The following LUZP2 variants were observed in gnomAD, a reference collection of about 807,000 sequenced individuals.
The protein encoded by LUZP2 is leucine zipper protein 2.
A neutral mutation model predicts 51.6 loss-of-function variants in LUZP2; 52 were observed. That is an observed-to-expected ratio of 1.01 (90% CI 0.81 to 1.27). The LOEUF (loss-of-function observed/expected upper bound fraction) is 1.27, where lower values mean the gene tolerates loss of function less well. Among genes scored for constraint, LUZP2 ranks in the 50% most tolerant of loss-of-function variants. The pLI, the probability that LUZP2 is intolerant of heterozygous loss-of-function variation, is 0.00. For synonymous variants in LUZP2, 154 were observed against 137.3 expected (o/e 1.12, Z -0.85); for missense variants, 436 against 395.4 (o/e 1.10, Z -0.87).
chr11:24,568,884 T>TAGTA (rs1852334652), intron 1 of LUZP2, among the ~76,000 whole-genome samples: 1 of 152,006 alleles, frequency 6.6e-6, no homozygotes, highest in African/African-American at 2.4e-5. Flanking sequence ...CTAAGAGACA[T>TAGTA]AGTAATACAT....
At chr11:24,691,450 A>T (rs554776031) in intron 1 of LUZP2, among the ~76,000 whole-genome samples, 375 of 151,530 alleles carry the variant, frequency 2.5e-3, no homozygotes, top group African/African-American at 8.8e-3. Context: ...TCTTTCAAAT[A>T]AATACCCATT....
At chr11:24,959,982 G>A (rs957325988) in intron 7 of LUZP2, among the ~76,000 whole-genome samples, 13 of 152,164 alleles carry the variant, frequency 8.5e-5, no homozygotes, top group African/African-American at 3.1e-4. Context: ...TTTGTCAAAA[G>A]CCTTTTCTGC....
intron 5 of LUZP2, among the ~76,000 whole-genome samples, chr11:24,809,431 T>TC (rs1258219537): frequency 6.6e-6 from 1 of 152,098 alleles, no homozygotes; most frequent in African/African-American, 2.4e-5. Context: ...CATTTCAGCA[T>TC]CTCACCTAAA....
At chr11:24,961,356 C>T (rs1283769153) in intron 7 of LUZP2, among the ~76,000 whole-genome samples, 1 of 152,188 alleles carries the variant, frequency 6.6e-6, no homozygotes, top group Non-Finnish European at 1.5e-5. Context: ...GTGTTAAAAT[C>T]TCCCATTATT....
chr11:25,043,706 G>A (rs1172611408), intron 9 of LUZP2, among the ~76,000 whole-genome samples: 2 of 148,054 alleles, frequency 1.4e-5, no homozygotes, highest in African/African-American at 4.9e-5. Flanking sequence ...ATATATATCA[G>A]ACAATATATA....
intron 5 of LUZP2, among the ~76,000 whole-genome samples, chr11:24,868,038 C>T (rs1019821285): frequency 2.6e-5 from 4 of 152,116 alleles, no homozygotes; most frequent in African/African-American, 9.7e-5. Flanking sequence ...TCTCATTAGA[C>T]CTTGTTCAGC....
chr11:24,549,963 A>C (rs1459945797), intron 1 of LUZP2, among the ~76,000 whole-genome samples: 2 of 152,048 alleles, frequency 1.3e-5, no homozygotes, highest in African/African-American at 4.8e-5. Context: ...AGGCTAGAAA[A>C]AGACTTGTTA....
At chr11:24,503,244 C>T (rs1202393778) in intron 1 of LUZP2, among the ~76,000 whole-genome samples, 1 of 152,120 alleles carries the variant, frequency 6.6e-6, no homozygotes, top group Non-Finnish European at 1.5e-5. Flanking sequence ...AAATATATTT[C>T]TCTTTATTTT....
chr11:24,591,856 T>C (rs1237042909), intron 1 of LUZP2, among the ~76,000 whole-genome samples: 2 of 152,214 alleles, frequency 1.3e-5, no homozygotes, highest in South Asian at 4.1e-4. Context: ...TCTTAAAATA[T>C]GCATTTCTAA....
chr11:24,917,968 C>A (rs566442975), intron 7 of LUZP2, among the ~76,000 whole-genome samples: 1 of 152,032 alleles, frequency 6.6e-6, no homozygotes, highest in East Asian at 1.9e-4. Context: ...TACCCATGAG[C>A]ATGGAATGTT....
chr11:24,580,195 C>CT (rs1373508001), intron 1 of LUZP2, among the ~76,000 whole-genome samples: 5 of 151,978 alleles, frequency 3.3e-5, no homozygotes, highest in South Asian at 4.1e-4. Context: ...ATCTGCAAGT[C>CT]TTTTTTTAAT....
rs544222089 is a variant in LUZP2, at chr11:24,906,072, C to A, written c.459+19C>A. 1.3e-6 allele frequency: 2 copies of A among 1,595,036 alleles called. No homozygotes were observed. Among genetic ancestry groups the A allele is most frequent in the African/African-American group, 1.3e-5 (1 of 74,624 alleles). On this transcript the variant is annotated intron_variant, in intron 6 of 11. Transcript: ENST00000336930. ...AGAAGAGGTGAGTAAATTTTTGCTT[C>A]TTCTAGCTTTAACCAGATAAAAACA...
chr11:24,605,353 T>C (rs889929982), intron 1 of LUZP2, among the ~76,000 whole-genome samples: 3 of 151,748 alleles, frequency 2.0e-5, no homozygotes, highest in Admixed American at 1.3e-4. Context: ...AAATATTAAC[T>C]TTATTACATA....
At chr11:24,869,630 T>G (rs1851998052) in intron 5 of LUZP2, among the ~76,000 whole-genome samples, 1 of 152,070 alleles carries the variant, frequency 6.6e-6, no homozygotes, top group Non-Finnish European at 1.5e-5. Context: ...GTCATACTGA[T>G]CTGTGCTTAG....
chr11:25,025,078 A>G (rs1238780532), intron 9 of LUZP2, among the ~76,000 whole-genome samples: 1 of 152,212 alleles, frequency 6.6e-6, no homozygotes, highest in Admixed American at 6.5e-5. Flanking sequence ...GATGCTGGGT[A>G]AATTGCCTAG....
intron 7 of LUZP2, among the ~76,000 whole-genome samples, chr11:24,930,936 G>A (rs976248858): frequency 2.0e-5 from 3 of 152,078 alleles, no homozygotes; most frequent in African/African-American, 7.2e-5. Flanking sequence ...ATTCATGGCT[G>A]GGCACAGTGG....
Position 25,030,888 on chromosome 11 carries a change from A to ATAATATATATTG in LUZP2, c.766-19148_766-19147insATATATATTGTA, listed in dbSNP as rs1409470948. Among the ~76,000 whole-genome samples the ATAATATATATTG allele has an allele frequency of 1.8e-3, 20 of 10,980 alleles. No homozygotes were observed. The East Asian group carries it at 0.23, about 127-fold the overall frequency. 7.2% of individuals were successfully genotyped at this position (10,980 alleles called of 152,430 possible). Reference sequence around the variant, plus strand: ...TTTGTGTATATGTGTGTTACTATATATATTATATATATATATAATATATAT... The same window carrying ATAATATATATTG: ...TTTGTGTATATGTGTGTTACTATATATAATATATATTGTATTATATATATATATAATATATAT... On this transcript the variant is annotated intron_variant, in intron 9 of 11. Coordinates refer to ENST00000336930, the MANE Select transcript of LUZP2 (RefSeq NM_001009909.4).
At chr11:24,629,504 C>T in intron 1 of LUZP2, among the ~76,000 whole-genome samples, 1 of 145,182 alleles carries the variant, frequency 6.9e-6, no homozygotes, top group Non-Finnish European at 1.5e-5. Flanking sequence ...ATATATATTA[C>T]ATATATATTA....
intron 5 of LUZP2, among the ~76,000 whole-genome samples, chr11:24,781,785 T>C (rs76779952): frequency 0.02 from 3,019 of 152,160 alleles, 110 homozygotes; most frequent in African/African-American, 0.069. Flanking sequence ...GCATTTCACA[T>C]TGACTTATAA....
Sources: allele counts gnomAD v4.1 joint callset (sites outside exome capture counted in the v4.1 genomes callset), GRCh38; gene constraint gnomAD v4.1.1; transcripts MANE v1.5; gene names NCBI Gene and HGNC (gene_info 2026-07-23, HGNC 2026-07-21).